DIAPH3: variants seen among roughly 807,000 people sequenced by gnomAD.
DIAPH3 encodes the protein diaphanous related formin 3, also known as protein diaphanous homolog 3.
Under a neutral mutation model 144.3 loss-of-function variants are expected in DIAPH3, and 117 were observed. The observed-to-expected ratio is 0.81, with a 90% CI of 0.70 to 0.95. The LOEUF is 0.95. Ranked by LOEUF, DIAPH3 falls within the 40% of genes least tolerant of loss-of-function variation. The probability of loss-of-function intolerance (pLI) is 0.00; values close to 1 mark genes in which losing one functional copy is unlikely to be tolerated. For missense variants in DIAPH3, 1,421 were observed against 1,412.7 expected (o/e 1.01, Z -0.09); for synonymous variants, 519 against 488.9 (o/e 1.06, Z -0.81).
chr13:59,926,986 T>C (rs1341524291), intron 17 of DIAPH3, among the ~76,000 whole-genome samples: 1 of 152,204 alleles, frequency 6.6e-6, no homozygotes, highest in Non-Finnish European at 1.5e-5. Context: ...ATATCTGCTT[T>C]AAAAATCTGG....
chr13:60,001,177 T>A (rs1356565387), intron 9 of DIAPH3, among the ~76,000 whole-genome samples: 1 of 152,294 alleles, frequency 6.6e-6, no homozygotes, highest in Admixed American at 6.5e-5. Flanking sequence ...AAAGATAATG[T>A]CTTTTAGAGC....
intron 5 of DIAPH3, among the ~76,000 whole-genome samples, chr13:60,035,293 T>C (rs927963688): frequency 2.0e-5 from 3 of 152,152 alleles, no homozygotes; most frequent in Non-Finnish European, 4.4e-5. Flanking sequence ...AAGATACAGA[T>C]ACACTTTGAA....
intron 19 of DIAPH3, among the ~76,000 whole-genome samples, chr13:59,912,861 C>T (rs1244878406): frequency 6.6e-6 from 1 of 151,850 alleles, no homozygotes; most frequent in African/African-American, 2.4e-5. Context: ...TCAATTAGAT[C>T]AAAGAATAAG....
intron 25 of DIAPH3, among the ~76,000 whole-genome samples, chr13:59,806,465 G>T (rs969460710): frequency 6.6e-6 from 1 of 151,944 alleles, no homozygotes; most frequent in East Asian, 1.9e-4. Flanking sequence ...AACTTCTGAG[G>T]ATTTTTATTA....
In DIAPH3 at chr13:59,891,174, G is replaced by C. The variant is rs574334355; in HGVS notation, c.2368-11706C>G. ...GAAAAATGATTCCTAGGCACTAGATGAAAGTCAGATCTAAAAGCAACCTTA... is the reference window on the plus strand; with the variant it reads ...GAAAAATGATTCCTAGGCACTAGATCAAAGTCAGATCTAAAAGCAACCTTA... On this transcript the variant is annotated intron_variant, in intron 20 of 27. Coordinates refer to ENST00000400324, the MANE Select transcript of DIAPH3 (RefSeq NM_001042517.2). 2.6e-4 allele frequency among the ~76,000 whole-genome samples: 39 copies of C among 152,138 alleles called. 1 individual carries two copies. The highest frequency in any genetic ancestry group is 3.4e-3 in the Middle Eastern group (1 of 294).
chr13:60,024,787 C>T (rs952795767), intron 5 of DIAPH3, among the ~76,000 whole-genome samples: 7 of 152,180 alleles, frequency 4.6e-5, no homozygotes, highest in Admixed American at 3.3e-4. Context: ...AAAGCACCAC[C>T]TCATTACTGC....
At chr13:59,741,528 G>A (rs1027701648) in intron 27 of DIAPH3, among the ~76,000 whole-genome samples, 6 of 152,004 alleles carry the variant, frequency 3.9e-5, no homozygotes, top group Admixed American at 1.3e-4. Context: ...AGGCTGAGAA[G>A]GGGGAATCAC....
At chr13:59,843,024 T>G (rs1460284327) in intron 22 of DIAPH3, among the ~76,000 whole-genome samples, 34 of 152,258 alleles carry the variant, frequency 2.2e-4, no homozygotes, top group Non-Finnish European at 2.9e-5. Context: ...ACCCATACAT[T>G]GGGTATAAGC....
chr13:59,732,058 C>T lies in DIAPH3; in HGVS notation c.3319+42131G>A, dbSNP rs2035915704. On this transcript the variant is annotated intron_variant, in intron 27 of 27. Coordinates refer to ENST00000400324, the MANE Select transcript of DIAPH3 (RefSeq NM_001042517.2). The stretch of plus-strand genomic sequence containing the variant: ...CATCAGCATAATATTCTTAATATAG[C>T]CAAAGCGAGTTAATCTCTTATTCTG... 2.6e-5 allele frequency among the ~76,000 whole-genome samples: 4 copies of T among 152,000 alleles called. No homozygotes were observed. In the South Asian group the frequency reaches 8.3e-4, roughly 32 times the overall value.
intron 21 of DIAPH3, 50 bp from the exon 22 acceptor site, chr13:59,861,586 A>G (rs897539610): frequency 6.4e-7 from 1 of 1,553,326 alleles, no homozygotes; most frequent in Non-Finnish European, 8.9e-7. Context: ...GTATGTTGAT[A>G]TTCTGTCTAC....
chr13:59,700,111 T>C (rs1191909974), intron 27 of DIAPH3, among the ~76,000 whole-genome samples: 3 of 152,196 alleles, frequency 2.0e-5, no homozygotes, highest in Admixed American at 2.0e-4. Context: ...TCTCTTTACA[T>C]TCCCCATTTT....
intron 3 of DIAPH3, among the ~76,000 whole-genome samples, chr13:60,110,864 A>G (rs867238690): frequency 2.2e-4 from 33 of 152,334 alleles, no homozygotes; most frequent in African/African-American, 7.9e-4. Flanking sequence ...ATATTAAAAT[A>G]TATAGTATTA....
intron 20 of DIAPH3, among the ~76,000 whole-genome samples, chr13:59,887,949 A>C (rs1307463981): frequency 6.6e-6 from 1 of 152,126 alleles, no homozygotes; most frequent in Non-Finnish European, 1.5e-5. Flanking sequence ...GTTATTGTAT[A>C]CTGATACTTC....
chr13:59,973,127 G>C lies in DIAPH3; in HGVS notation c.1650+1225C>G, dbSNP rs181203333. On this transcript the variant is annotated intron_variant, in intron 15 of 27. Coordinates refer to ENST00000400324, the MANE Select transcript of DIAPH3 (RefSeq NM_001042517.2). ...TTTAAAACAATTTAGGAGATTCCTT[G>C]ATTTAATTTCACTTTCAAAACATAC... 4.5e-4 allele frequency among the ~76,000 whole-genome samples: 69 copies of C among 152,242 alleles called. 1 individual carries two copies. Among genetic ancestry groups the C allele is most frequent in the Non-Finnish European group, 7.4e-5 (5 of 67,994 alleles).
chr13:60,105,099 CAAAAAAA>C (rs60853102), intron 3 of DIAPH3, among the ~76,000 whole-genome samples: 11 of 41,838 alleles, frequency 2.6e-4, no homozygotes, highest in African/African-American at 1.0e-3. Context: ...GACACGATCT[CAAAAAAA>C]AAAAAAAAAA....
chr13:60,068,174 T>C (rs2057047452), intron 4 of DIAPH3, among the ~76,000 whole-genome samples: 1 of 152,216 alleles, frequency 6.6e-6, no homozygotes, highest in Non-Finnish European at 1.5e-5. Context: ...AACACATCTT[T>C]GTGCATATGT....
At chr13:59,981,873 T>C (rs2051042111) in intron 13 of DIAPH3, among the ~76,000 whole-genome samples, 1 of 151,486 alleles carries the variant, frequency 6.6e-6, no homozygotes, top group African/African-American at 2.4e-5. Context: ...TAAGACATTA[T>C]AGATAACTTT....
At chr13:60,062,346 C>A (rs528030523) in intron 4 of DIAPH3, among the ~76,000 whole-genome samples, 12 of 152,150 alleles carry the variant, frequency 7.9e-5, no homozygotes, top group Non-Finnish European at 1.5e-4. Flanking sequence ...GTTAAAAATA[C>A]AAAAATGAAC....
intron 27 of DIAPH3, among the ~76,000 whole-genome samples, chr13:59,674,622 G>C (rs2032542862): frequency 1.3e-5 from 2 of 152,080 alleles, no homozygotes; most frequent in African/African-American, 4.8e-5. Context: ...ATTTCCTCTA[G>C]GAAGAAGACT....
Sources: allele counts gnomAD v4.1 joint callset (sites outside exome capture counted in the v4.1 genomes callset), GRCh38; gene constraint gnomAD v4.1.1; transcripts MANE v1.5; gene names NCBI Gene and HGNC (gene_info 2026-07-23, HGNC 2026-07-21).